CAMLG: variants seen among roughly 807,000 people sequenced by gnomAD.
CAMLG encodes calcium modulating ligand, also known as guided entry of tail-anchored proteins factor CAMLG.
In CAMLG, 23 loss-of-function variants were observed where a neutral mutation model predicts 28.9. That is an observed-to-expected ratio of 0.80 (90% CI 0.57 to 1.13). CAMLG has a LOEUF of 1.13. Among genes scored for constraint, CAMLG ranks in the 50% most tolerant of loss-of-function variants. The pLI is 0.00. For synonymous variants in CAMLG, 141 were observed against 146.5 expected (o/e 0.96, Z 0.27); for missense variants, 367 against 371.9 (o/e 0.99, Z 0.11).
chr5:134,744,624 A>T (rs1580756138), intron 3 of CAMLG, among the ~76,000 whole-genome samples: 1 of 152,000 alleles, frequency 6.6e-6, no homozygotes, highest in East Asian at 1.9e-4. Flanking sequence ...CTGTGGATTG[A>T]GGTCCTTCAT....
chr5:134,752,035 T>G lies in CAMLG; in HGVS notation c.*1085T>G, dbSNP rs1178860056. 1 of 152,208 alleles carries G rather than the reference T, an allele frequency of 6.6e-6. No individual in the cohort carries two copies. The highest frequency in any genetic ancestry group is 2.4e-5 in the African/African-American group (1 of 41,468). The allele number at this position is 152,208 out of a possible 1,614,324, so 9.4% of individuals were successfully genotyped here. On this transcript the variant is annotated 3_prime_UTR_variant, in exon 4 of 4. Transcript: ENST00000297156. ...AACTGCCATATTTTGTTGGGTTGTCTTCTTAAAAGAATATAAGACTAAAGT... is the reference window on the plus strand; with the variant it reads ...AACTGCCATATTTTGTTGGGTTGTCGTCTTAAAAGAATATAAGACTAAAGT...
At chr5:134,745,602 A>G (rs1753038158) in intron 3 of CAMLG, among the ~76,000 whole-genome samples, 1 of 150,678 alleles carries the variant, frequency 6.6e-6, no homozygotes, top group African/African-American at 2.4e-5. Flanking sequence ...AAATATAAAA[A>G]TTACCCAGGC....
At position 134,738,592 on chromosome 5, in the gene CAMLG, G is replaced by T. The variant is rs777531400; in HGVS notation, c.-29G>T. 7.1e-6 allele frequency: 11 copies of T among 1,558,494 alleles called. No individual in the cohort carries two copies. The South Asian group carries it at 1.3e-4, about 18-fold the overall frequency. ...AGCGGCGGCCAACATCACCGCCACT[G>T]CCACCCCTCCCAGACTGTGGACGGG... On this transcript the variant is annotated 5_prime_UTR_variant, in exon 1 of 4. Coordinates refer to ENST00000297156, the MANE Select transcript of CAMLG (RefSeq NM_001745.4).
At chr5:134,746,137 CAAA>C (rs1156938843) in intron 3 of CAMLG, among the ~76,000 whole-genome samples, 6 of 77,132 alleles carry the variant, frequency 7.8e-5, no homozygotes, top group Non-Finnish European at 1.5e-4. Flanking sequence ...AACTCCATCT[CAAA>C]AAAAAAAAAA....
chr5:134,740,006 GC>G lies in CAMLG; in HGVS notation c.173-1056del, dbSNP rs1215810800. ...TCCTGCTACCTCAGCCTCCGGAGTAGCTAGGACCACAGGTGTACACCACCAT... is the reference window on the plus strand; with the variant it reads ...TCCTGCTACCTCAGCCTCCGGAGTAGTAGGACCACAGGTGTACACCACCAT... On this transcript the variant is annotated intron_variant, in intron 1 of 3. Transcript: ENST00000297156. Among the ~76,000 whole-genome samples, 3 of 152,180 alleles carry G rather than the reference GC, an allele frequency of 2.0e-5. No individual in the cohort carries two copies. The East Asian group carries it at 5.8e-4, about 29-fold the overall frequency.
Position 134,740,682 on chromosome 5 carries a change from T to A in CAMLG, c.173-381T>A, listed in dbSNP as rs547051874. 2.6e-5 allele frequency among the ~76,000 whole-genome samples: 4 copies of A among 152,110 alleles called. No homozygotes were observed. In the East Asian group the frequency reaches 7.7e-4, roughly 29 times the overall value. On this transcript the variant is annotated intron_variant, in intron 1 of 3. Transcript: ENST00000297156. ...TAGTGGCGCAGTGTCTGCAACCTCC[T>A]CCCCCCGGGTTTCAAGTGATTCTCC...
At chr5:134,739,956 G>A (rs1752963389) in intron 1 of CAMLG, among the ~76,000 whole-genome samples, 1 of 152,106 alleles carries the variant, frequency 6.6e-6, no homozygotes, top group South Asian at 2.1e-4. Flanking sequence ...GCTTACTGCA[G>A]CCTCAAACTC....
In CAMLG at chr5:134,748,828, C is replaced by T. The variant is rs1753080338; in HGVS notation, c.700-1931C>T. Among the ~76,000 whole-genome samples, 3 of 151,990 alleles carry T rather than the reference C, an allele frequency of 2.0e-5. No individual in the cohort carries two copies. The South Asian group carries it at 6.2e-4, about 32-fold the overall frequency. On this transcript the variant is annotated intron_variant, in intron 3 of 3. Transcript: ENST00000297156. ...CTTGATTTTACTTTTTTGTGCAAGC[C>T]TTCTTTATTCCGCATGATATTTTTG...
chr5:134,745,177 C>T (rs990968196), intron 3 of CAMLG, among the ~76,000 whole-genome samples: 11 of 152,088 alleles, frequency 7.2e-5, no homozygotes, highest in African/African-American at 2.7e-4. Flanking sequence ...GTGGCTCACG[C>T]CTGTAATCCC....
At chr5:134,740,939 A>G in intron 1 of CAMLG, 124 bp from the exon 2 acceptor site, 1 of 670,850 alleles carries the variant, frequency 1.5e-6, no homozygotes, top group Non-Finnish European at 2.5e-6. Context: ...CAGAATCGGT[A>G]TTTATTTATT....
intron 2 of CAMLG, 131 bp from the exon 3 acceptor site, chr5:134,743,856 C>T (rs1030707686): frequency 7.0e-6 from 4 of 568,804 alleles, no homozygotes; most frequent in African/African-American, 5.7e-5. Flanking sequence ...CAGAGGAAGA[C>T]TCCGTCTCAA....
intron 1 of CAMLG, among the ~76,000 whole-genome samples, chr5:134,740,667 G>T (rs1236365309): frequency 1.3e-5 from 2 of 152,128 alleles, no homozygotes; most frequent in Non-Finnish European, 2.9e-5. Flanking sequence ...TAGTGGCGCA[G>T]TGTCTGCAAC....
Position 134,751,086 on chromosome 5 carries a change from T to C in CAMLG, c.*136T>C. 1.7e-6 allele frequency: 1 copy of C among 595,312 alleles called. No homozygotes were observed. The highest frequency in any genetic ancestry group is 2.8e-5 in the East Asian group (1 of 36,296). The allele number at this position is 595,312 out of a possible 1,614,324, so 36.9% of individuals were successfully genotyped here. On this transcript the variant is annotated 3_prime_UTR_variant, in exon 4 of 4. Transcript: ENST00000297156. ...TTTAGGGGTTGTAAAGCTACTTTAT[T>C]AGATATAGAATGGCAGATTCTCTGA...
Position 134,752,104 on chromosome 5 carries a change from A to G in CAMLG, c.*1154A>G, listed in dbSNP as rs1440050798. The stretch of plus-strand genomic sequence containing the variant: ...TACATTTCCTTACAGATTTTTGTAT[A>G]GTCTAATTTGGTTAATCCTTGTGAC... On this transcript the variant is annotated 3_prime_UTR_variant, in exon 4 of 4. Transcript: ENST00000297156. 1 of 152,252 alleles carries G rather than the reference A, an allele frequency of 6.6e-6. No homozygotes were observed. The highest frequency in any genetic ancestry group is 2.4e-5 in the African/African-American group (1 of 41,474). The allele number at this position is 152,252 out of a possible 1,614,324, so 9.4% of individuals were successfully genotyped here. A position where few individuals can be genotyped will look rare whatever the true frequency, so the allele number is the denominator to read the frequency against.
At position 134,750,864 on chromosome 5, in the gene CAMLG, G is replaced by A. The variant is rs529450648; in HGVS notation, c.805G>A (p.Glu269Lys). 1.2e-5 allele frequency: 20 copies of A among 1,613,816 alleles called. 1 individual carries two copies. The highest frequency in any genetic ancestry group is 3.3e-5 in the Admixed American group (2 of 59,984). The change falls in exon 4 of 4, where the codon GAA becomes AAA. Residue 269 changes from glutamate (E) to lysine (K), a missense_variant. Glu to Lys is a moderately conservative substitution (Grantham distance 56). Transcript: ENST00000297156. ...AATGGATACCTATAGCAAAATGGGC[G>A]AAGTCTTCACAGATCTCTGTGTCTA... ...RSMDTYSKMG[E>K]VFTDLCVYFF... is the part of the protein sequence containing the mutation.
chr5:134,744,588 CATT>C (rs1753024067), intron 3 of CAMLG, among the ~76,000 whole-genome samples: 1 of 147,238 alleles, frequency 6.8e-6, no homozygotes, highest in South Asian at 2.1e-4. Context: ...ATTGCCATAA[CATT>C]GTTATTCTGT....
At chr5:134,743,903 T>A in intron 2 of CAMLG, 84 bp from the exon 3 acceptor site, 3 of 677,780 alleles carry the variant, frequency 4.4e-6, no homozygotes. Context: ...CAGCTTTTGC[T>A]TGGAATTTTC....
chr5:134,748,349 C>G (rs928624574), intron 3 of CAMLG, among the ~76,000 whole-genome samples: 2 of 152,124 alleles, frequency 1.3e-5, no homozygotes, highest in African/African-American at 2.4e-5. Context: ...GAGTTCAAGA[C>G]CAGTGTGGCC....
At position 134,750,773 on chromosome 5, in the gene CAMLG, A is replaced by G; in HGVS notation, c.714A>G (p.Ile238Met). The change falls in exon 4 of 4, where the codon ATA becomes ATG. Residue 238 changes from isoleucine (I) to methionine (M), a missense_variant. Physicochemically the swap from Ile to Met is conservative, Grantham distance 10 (BLOSUM62 1). Coordinates refer to ENST00000297156, the MANE Select transcript of CAMLG (RefSeq NM_001745.4). ...TCTCTACACAGAGTGAAAAGAAGAT[A>G]AAGACAACAGTACTAACAGCTGCAC... Reference protein sequence around the residue: ...YKYFPKSEKKIKTTVLTAALL... With the variant: ...YKYFPKSEKKMKTTVLTAALL... The G allele has an allele frequency of 6.2e-7, 1 of 1,612,500 alleles. No individual in the cohort carries two copies. Among genetic ancestry groups the G allele is most frequent in the Non-Finnish European group, 8.5e-7 (1 of 1,178,896 alleles).
Sources: allele counts gnomAD v4.1 joint callset (sites outside exome capture counted in the v4.1 genomes callset), GRCh38; gene constraint gnomAD v4.1.1; transcripts MANE v1.5; gene names NCBI Gene and HGNC (gene_info 2026-07-23, HGNC 2026-07-21).